Variants in DDX3X observed in about 807,000 individuals in gnomAD.
DDX3X encodes the protein ATP-dependent RNA helicase DDX3X.
In DDX3X, 4 loss-of-function variants were observed where a neutral mutation model predicts 52.7. The observed-to-expected ratio is 0.08, with a 90% CI of 0.04 to 0.17. DDX3X has a LOEUF of 0.17. Ranked by LOEUF, DDX3X falls within the 10% of genes least tolerant of loss-of-function variation. DDX3X has a pLI of 1.00. For missense variants in DDX3X, 222 were observed against 548.6 expected, an observed-to-expected ratio of 0.40 and a Z score of 5.95; for synonymous variants, 192 against 178.1, an observed-to-expected ratio of 1.08 and a Z score of -0.62.
chrX:41,345,061 T>C, intron 10 of DDX3X, 119 bp from the exon 11 acceptor site: 1 of 690,571 alleles, frequency 1.4e-6, no homozygotes, highest in South Asian at 2.8e-5. Context: ...TCTTAATGAA[T>C]ATATAATTGT....
At chrX:41,362,277 C>T (rs912580875) in intron 5 of DDX3X, among the ~76,000 whole-genome samples, 4 of 109,861 alleles carry the variant, frequency 3.6e-5, no homozygotes, top group Non-Finnish European at 5.7e-5. Flanking sequence ...TTAGTAGAGA[C>T]GGGGTTTTGC....
At position 41,346,603 on chromosome X, in the gene DDX3X, G is replaced by C; in HGVS notation, c.1596G>C (p.Thr532=). The change falls in exon 14 of 17, where the codon ACG becomes ACC. Residue 532 remains threonine, a synonymous_variant. Transcript: ENST00000644876. The part of the protein sequence containing the change: ...IEEYVHRIGR[T]GRVGNLGLAT... Reference sequence around the variant, plus strand: ...AATATGTACATCGTATTGGTCGTACGGGACGTGTAGGAAACCTTGGTAAGT... The same window carrying C: ...AATATGTACATCGTATTGGTCGTACCGGACGTGTAGGAAACCTTGGTAAGT... The C allele has an allele frequency of 8.4e-7, 1 of 1,195,504 alleles. No homozygotes were observed. The highest frequency in any genetic ancestry group is 1.1e-6 in the Non-Finnish European group (1 of 883,221).
chrX:41,346,654 T>G, intron 14 of DDX3X, 32 bp downstream of exon 14: 1 of 1,099,317 alleles, frequency 9.1e-7, no homozygotes, highest in Non-Finnish European at 1.2e-6. Context: ...GGTTTCATTG[T>G]TTTTTGCTGT....
At chrX:41,344,510 T>C (rs1180886084) in intron 10 of DDX3X, 111 bp downstream of exon 10, 6 of 916,672 alleles carry the variant, frequency 6.5e-6, no homozygotes, top group Non-Finnish European at 9.4e-6. Context: ...CGATCTCGGC[T>C]CACCACAACC....
chrX:41,351,869 TTTAA>T (rs1452444817), downstream of DDX3X, among the ~76,000 whole-genome samples: 1 of 111,006 alleles, frequency 9.0e-6, no homozygotes, highest in Non-Finnish European at 1.9e-5. Flanking sequence ...CAAAGCACTG[TTTAA>T]TTATATTATG....
At chrX:41,357,938 A>G in intron 5 of DDX3X, 1 of 296,513 alleles carries the variant, frequency 3.4e-6, no homozygotes, top group Non-Finnish European at 5.9e-6. Flanking sequence ...TGGCAGCCTT[A>G]GGTATTTGAG....
chrX:41,334,330 T>A (rs745925587), intron 1 of DDX3X, 33 bp downstream of exon 1: 2 of 1,205,432 alleles, frequency 1.7e-6, no homozygotes, highest in Admixed American at 4.4e-5. Context: ...GGCTGGCTGC[T>A]GCGTGAATTC....
chrX:41,345,555 T>C lies in DDX3X; in HGVS notation c.1315+7T>C. On this transcript the variant is annotated splice_region_variant and intron_variant, in intron 12 of 16. Coordinates refer to ENST00000644876, the MANE Select transcript of DDX3X (RefSeq NM_001356.5). ...GACCTCCTAAATGCAACAGGTAACA[T>C]TATGAATTTTTTATTTTATTAGACA... 1.7e-6 allele frequency: 2 copies of C among 1,187,905 alleles called. No individual in the cohort carries two copies. The highest frequency in any genetic ancestry group is 2.3e-6 in the Non-Finnish European group (2 of 882,362).
At chrX:41,344,581 G>T in intron 10 of DDX3X, 182 bp downstream of exon 10, 1 of 520,523 alleles carries the variant, frequency 1.9e-6, no homozygotes, top group Non-Finnish European at 3.2e-6. Flanking sequence ...GGGATTACAG[G>T]CATGTGCCAC....
chrX:41,346,881 C>T lies in DDX3X; in HGVS notation c.1638C>T (p.Asn546=), dbSNP rs929461072. 24 of 1,208,664 alleles carry T rather than the reference C, an allele frequency of 2.0e-5. No homozygotes were observed. Among genetic ancestry groups the T allele is most frequent in the East Asian group, 3.0e-5 (1 of 33,824 alleles). The change falls in exon 15 of 17, where the codon AAC becomes AAT. Residue 546 remains asparagine (N), a synonymous_variant. Transcript: ENST00000644876. ...GNLGLATSFF[N]ERNINITKDL... ...TAGGCCTGGCAACCTCATTCTTTAACGAGAGGAACATAAATATTACTAAGG... is the reference window on the plus strand; with the variant it reads ...TAGGCCTGGCAACCTCATTCTTTAATGAGAGGAACATAAATATTACTAAGG...
chrX:41,360,356 C>T (rs1221245344), intron 5 of DDX3X, among the ~76,000 whole-genome samples: 2 of 104,892 alleles, frequency 1.9e-5, no homozygotes, highest in African/African-American at 7.0e-5. Flanking sequence ...CCAGCCTGGG[C>T]GGCAGAGTAA....
intron 1 of DDX3X, chrX:41,335,725 C>T (rs1386406516): frequency 8.9e-6 from 1 of 111,966 alleles, no homozygotes. Flanking sequence ...TTGATCTGTT[C>T]CTTTGGAAGC....
Position 41,336,573 on chromosome X carries a change from C to G in DDX3X, c.46-835C>G, listed in dbSNP as rs1294489409. The G allele has an allele frequency of 1.3e-4, 15 of 111,276 alleles. No individual in the cohort carries two copies. The Admixed American group carries it at 1.4e-3, about 11-fold the overall frequency. 9.2% of individuals were successfully genotyped at this position (111,276 alleles called of 1,213,427 possible). A position where few individuals can be genotyped will look rare whatever the true frequency, so the allele number is the denominator to read the frequency against. ...TTCACCTGACCTGAGGTCAGGAGAC[C>G]AGCCTGGGCAACATGGCGAAACCCC... On this transcript the variant is annotated intron_variant, in intron 1 of 16. Transcript: ENST00000644876.
At chrX:41,355,183 A>T (rs2147370329), downstream of DDX3X, among the ~76,000 whole-genome samples, 1 of 111,613 alleles carries the variant, frequency 9.0e-6, no homozygotes, top group South Asian at 3.7e-4. Context: ...TCAGCCGTTG[A>T]AGGATATTTG....
At chrX:41,352,608 ATTAAT>A (rs2063993324), downstream of DDX3X, among the ~76,000 whole-genome samples, 1 of 111,325 alleles carries the variant, frequency 9.0e-6, no homozygotes, top group African/African-American at 3.3e-5. Context: ...AGATGTAGTG[ATTAAT>A]TTAGATTAGT....
rs1473042659 is a variant in DDX3X, at chrX:41,334,174, C to A, written c.-79C>A. 31 of 1,055,038 alleles carry A rather than the reference C, an allele frequency of 2.9e-5. No homozygotes were observed. Among genetic ancestry groups the A allele is most frequent in the Non-Finnish European group, 3.8e-5 (29 of 767,024 alleles). The allele number at this position is 1,055,038 out of a possible 1,213,427, so 86.9% of individuals were successfully genotyped here. On this transcript the variant is annotated 5_prime_UTR_variant, in exon 1 of 17. Transcript: ENST00000644876. ...CGCGGTGCGCTCCAGAGCCGCAGTT[C>A]TCCCGTGAGAGGGCCTTCGCGGTGG...
At chrX:41,353,266 A>G (rs7066552), downstream of DDX3X, among the ~76,000 whole-genome samples, 230 of 98,263 alleles carry the variant, frequency 2.3e-3, 2 homozygotes, top group African/African-American at 8.2e-3. Flanking sequence ...ATCCTGGCTA[A>G]CACGGTGAAA....
chrX:41,338,341 CTT>C (rs1569234154), intron 2 of DDX3X: 1 of 111,536 alleles, frequency 9.0e-6, no homozygotes, highest in Admixed American at 9.5e-5. Context: ...TGCTAAGAAT[CTT>C]TTAGGAACTG....
In DDX3X at chrX:41,341,630, T is replaced by C. The variant is rs367741578; in HGVS notation, c.284+14T>C. 1.7e-6 allele frequency: 2 copies of C among 1,200,093 alleles called. No individual in the cohort carries two copies. Among genetic ancestry groups the C allele is most frequent in the African/African-American group, 1.8e-5 (1 of 56,921 alleles). On this transcript the variant is annotated intron_variant, in intron 4 of 16. Coordinates refer to ENST00000644876, the MANE Select transcript of DDX3X (RefSeq NM_001356.5). ...ATCAAGGGGAAGGTAAGTGATTTCT[T>C]AATCACCTTACGTGTATGTATAATA... is the stretch of plus-strand genomic sequence containing the variant.
Sources: gnomAD v4.1 joint callset for allele counts (sites outside exome capture counted in the v4.1 genomes callset) on GRCh38, gnomAD v4.1.1 for gene constraint, MANE v1.5 for transcripts, NCBI Gene and HGNC (gene_info 2026-07-23, HGNC 2026-07-21) for gene names.